The following SLC24A4 variants were observed in gnomAD, a reference collection of about 807,000 sequenced individuals.
SLC24A4 encodes the protein sodium/potassium/calcium exchanger 4.
In SLC24A4, 53 loss-of-function variants were observed where a neutral mutation model predicts 79.0. The observed-to-expected ratio is 0.67, with a 90% CI of 0.54 to 0.84. SLC24A4 has a LOEUF of 0.84. Ranked by LOEUF, SLC24A4 falls within the 40% of genes least tolerant of loss-of-function variation. The pLI is 0.00. For synonymous variants in SLC24A4, 323 were observed against 323.8 expected, an observed-to-expected ratio of 1.00 and a Z score of 0.03; for missense variants, 731 against 822.0, an observed-to-expected ratio of 0.89 and a Z score of 1.35.
intron 2 of SLC24A4, among the ~76,000 whole-genome samples, chr14:92,352,088 A>G (rs752329833): frequency 2.0e-5 from 3 of 152,148 alleles, no homozygotes; most frequent in Admixed American, 6.5e-5. Flanking sequence ...TGTTCCATCA[A>G]TACTGTTGTA....
Position 92,493,426 on chromosome 14 carries a change from C to G in SLC24A4, c.1717-50C>G, listed in dbSNP as rs925313446. The G allele has an allele frequency of 1.9e-6, 3 of 1,602,820 alleles. No homozygotes were observed. The African/African-American group carries it at 4.0e-5, about 22-fold the overall frequency. On this transcript the variant is annotated intron_variant, in intron 16 of 16. Transcript: ENST00000532405. ...GTGTCGCTTTCCAGTAGAAATGCCTCTTGTATTTCTTTGCCCTGCAAGCCC... is the reference window on the plus strand; with the variant it reads ...GTGTCGCTTTCCAGTAGAAATGCCTGTTGTATTTCTTTGCCCTGCAAGCCC...
At chr14:92,470,303 C>A (rs1209598677) in intron 12 of SLC24A4, among the ~76,000 whole-genome samples, 1 of 152,200 alleles carries the variant, frequency 6.6e-6, no homozygotes, top group Non-Finnish European at 1.5e-5. Flanking sequence ...CTCTCCAGGT[C>A]ATATAAGTGC....
intron 2 of SLC24A4, 114 bp from the exon 3 acceptor site, chr14:92,433,798 C>A: frequency 1.2e-6 from 1 of 841,176 alleles, no homozygotes. Context: ...TCTCTCTGAT[C>A]AGTCCAAAGC....
At chr14:92,460,862 G>A (rs865871036) in intron 12 of SLC24A4, among the ~76,000 whole-genome samples, 11 of 152,340 alleles carry the variant, frequency 7.2e-5, no homozygotes, top group Middle Eastern at 3.4e-3. Flanking sequence ...GAGCCCGGCA[G>A]CATCAGCAGG....
intron 2 of SLC24A4, among the ~76,000 whole-genome samples, chr14:92,400,246 CA>C (rs1890030236): frequency 6.6e-6 from 1 of 152,028 alleles, no homozygotes; most frequent in Admixed American, 6.5e-5. Flanking sequence ...CGAGAACATC[CA>C]GGCCAACATG....
intron 12 of SLC24A4, among the ~76,000 whole-genome samples, chr14:92,465,263 T>G (rs1894039909): frequency 6.6e-6 from 1 of 152,064 alleles, no homozygotes. Context: ...GTCTCACGGG[T>G]GAGGACATGG....
intron 2 of SLC24A4, among the ~76,000 whole-genome samples, chr14:92,385,827 G>A (rs1279793233): frequency 6.6e-6 from 1 of 152,198 alleles, no homozygotes; most frequent in Non-Finnish European, 1.5e-5. Context: ...CTTCCTCCCA[G>A]CTCCCCCATC....
chr14:92,455,275 C>A (rs1044182551), intron 11 of SLC24A4, among the ~76,000 whole-genome samples: 1 of 152,104 alleles, frequency 6.6e-6, no homozygotes, highest in Non-Finnish European at 1.5e-5. Flanking sequence ...TGACACACAC[C>A]GAAAGGCTGT....
Position 92,372,986 on chromosome 14 carries a change from CCTCT to C in SLC24A4, c.241+47017_241+47020del, listed in dbSNP as rs1264684347. 1.1e-4 allele frequency among the ~76,000 whole-genome samples: 14 copies of C among 130,772 alleles called. 1 individual carries two copies. The highest frequency in any genetic ancestry group is 2.6e-4 in the South Asian group (1 of 3,880). 85.8% of individuals were successfully genotyped at this position (130,772 alleles called of 152,430 possible). On this transcript the variant is annotated intron_variant, in intron 2 of 16. Coordinates refer to ENST00000532405, the MANE Select transcript of SLC24A4 (RefSeq NM_153646.4). ...CTCTCTCTCTCCCCCCCTCCCTCTC[CCTCT>C]CTCTCTCTTCTTTCTTTCTTTCTTT...
intron 2 of SLC24A4, among the ~76,000 whole-genome samples, chr14:92,347,493 G>A (rs77176938): frequency 0.015 from 2,262 of 152,220 alleles, 42 homozygotes; most frequent in Non-Finnish European, 0.022. Flanking sequence ...AAGCTTAAAC[G>A]TGTTTTATGC....
intron 2 of SLC24A4, among the ~76,000 whole-genome samples, chr14:92,411,934 C>CA (rs548292187): frequency 0.019 from 2,813 of 145,992 alleles, 101 homozygotes; most frequent in African/African-American, 0.062. Flanking sequence ...TGCAAGTGAC[C>CA]AAAAAACAAA....
At chr14:92,363,738 G>C (rs1887661655) in intron 2 of SLC24A4, among the ~76,000 whole-genome samples, 1 of 152,154 alleles carries the variant, frequency 6.6e-6, no homozygotes, top group Non-Finnish European at 1.5e-5. Context: ...GCTGAGGCAG[G>C]AGAATCACTT....
intron 2 of SLC24A4, among the ~76,000 whole-genome samples, chr14:92,424,076 T>A (rs1891438593): frequency 6.6e-6 from 1 of 152,146 alleles, no homozygotes; most frequent in African/African-American, 2.4e-5. Flanking sequence ...ATCCCATGCC[T>A]TGTTCTCGGT....
At chr14:92,343,629 TTTCTTTCTTTCTC>T (rs1886313982) in intron 2 of SLC24A4, among the ~76,000 whole-genome samples, 4 of 128,400 alleles carry the variant, frequency 3.1e-5, no homozygotes, top group South Asian at 2.6e-4. Context: ...TCTTTCTTTC[TTTCTTTCTTTCTC>T]TCTTTCCTTC....
At chr14:92,467,493 C>A (rs1336277239) in intron 12 of SLC24A4, among the ~76,000 whole-genome samples, 1 of 152,096 alleles carries the variant, frequency 6.6e-6, no homozygotes, top group Non-Finnish European at 1.5e-5. Flanking sequence ...AGATCAAGAG[C>A]AAAACAAGAG....
intron 2 of SLC24A4, among the ~76,000 whole-genome samples, chr14:92,351,268 A>G (rs1254229712): frequency 1.3e-5 from 2 of 151,646 alleles, no homozygotes; most frequent in Non-Finnish European, 2.9e-5. Flanking sequence ...AAAACACCCA[A>G]TACTGCCTAT....
chr14:92,468,066 A>G (rs539346588), intron 12 of SLC24A4, among the ~76,000 whole-genome samples: 2 of 152,346 alleles, frequency 1.3e-5, no homozygotes, highest in South Asian at 4.1e-4. Flanking sequence ...ATTAGATTTA[A>G]TAAACATGCA....
chr14:92,485,409 G>A (rs920567953), intron 13 of SLC24A4, among the ~76,000 whole-genome samples: 2 of 151,998 alleles, frequency 1.3e-5, no homozygotes, highest in Admixed American at 1.3e-4. Context: ...AGGCCACAGT[G>A]AGCCATGGTC....
At chr14:92,387,181 A>AT (rs10660359) in intron 2 of SLC24A4, among the ~76,000 whole-genome samples, 10,790 of 140,294 alleles carry the variant, frequency 0.077, 479 homozygotes, top group Non-Finnish European at 0.088. Flanking sequence ...GGAGAGAAGT[A>AT]TTTTTTTTTT....
Sources: gnomAD v4.1 joint callset for allele counts (sites outside exome capture counted in the v4.1 genomes callset) on GRCh38, gnomAD v4.1.1 for gene constraint, MANE v1.5 for transcripts, NCBI Gene and HGNC (gene_info 2026-07-23, HGNC 2026-07-21) for gene names.